The following SGCZ variants were observed in gnomAD, a reference collection of about 807,000 sequenced individuals.
The protein encoded by SGCZ is sarcoglycan zeta.
Under a neutral mutation model 41.3 loss-of-function variants are expected in SGCZ, and 40 were observed. That is an observed-to-expected ratio of 0.97 (90% CI 0.75 to 1.26). SGCZ has a LOEUF of 1.26. SGCZ is among the 50% of genes most tolerant of loss of function. The probability of loss-of-function intolerance (pLI) is 0.00; values close to 1 mark genes in which losing one functional copy is unlikely to be tolerated. For missense variants in SGCZ, 552 were observed against 369.8 expected, an observed-to-expected ratio of 1.49 and a Z score of -4.04; for synonymous variants, 206 against 137.5, an observed-to-expected ratio of 1.50 and a Z score of -3.49.
At position 15,186,262 on chromosome 8, in the gene SGCZ, C is replaced by CAAAAAAA. The variant is rs61237091; in HGVS notation, c.39+51316_39+51322dup. On this transcript the variant is annotated intron_variant, in intron 1 of 7. Coordinates refer to ENST00000382080, the MANE Select transcript of SGCZ (RefSeq NM_139167.4). ...GGGCAACAGAGGGAAGATTCCGTAC[C>CAAAAAAA]AAAAAAAAAAAAAAAAAAAAAAAAA... Among the ~76,000 whole-genome samples, 53 of 80,714 alleles carry CAAAAAAA rather than the reference C, an allele frequency of 6.6e-4. 3 individuals are homozygous for CAAAAAAA. The highest frequency in any genetic ancestry group is 1.7e-3 in the African/African-American group (27 of 15,438). 53.0% of individuals were successfully genotyped at this position (80,714 alleles called of 152,430 possible).
intron 1 of SGCZ, among the ~76,000 whole-genome samples, chr8:15,052,632 G>T (rs954845543): frequency 6.6e-6 from 1 of 151,998 alleles, no homozygotes; most frequent in African/African-American, 2.4e-5. Flanking sequence ...GCTCGTTTGG[G>T]ACATATGACA....
At chr8:14,485,972 G>T (rs1450634117) in intron 2 of SGCZ, among the ~76,000 whole-genome samples, 1 of 151,288 alleles carries the variant, frequency 6.6e-6, no homozygotes. Context: ...CTCCCGAGTA[G>T]CTGGGACTAC....
chr8:14,137,056 A>T (rs1803221305), intron 5 of SGCZ, among the ~76,000 whole-genome samples: 1 of 152,178 alleles, frequency 6.6e-6, no homozygotes, highest in Non-Finnish European at 1.5e-5. Context: ...CCTCCACTAA[A>T]CTCCAACAGA....
rs540473215 is a variant in SGCZ at position 15,016,613 on chromosome 8, T to C, written c.39+220972A>G. ...TGGGCTCTATACTAGGTTAAGAGCA[T>C]AGTGCCTCACAAGTTGCTTTACAGA... On this transcript the variant is annotated intron_variant, in intron 1 of 7. Coordinates refer to ENST00000382080, the MANE Select transcript of SGCZ (RefSeq NM_139167.4). 3.9e-5 allele frequency among the ~76,000 whole-genome samples: 6 copies of C among 152,310 alleles called. No homozygotes were observed. In the East Asian group the frequency reaches 9.7e-4, roughly 25 times the overall value.
chr8:15,178,793 G>T (rs1340331985), intron 1 of SGCZ, among the ~76,000 whole-genome samples: 2 of 123,266 alleles, frequency 1.6e-5, no homozygotes, highest in African/African-American at 2.5e-5. Flanking sequence ...GTTACGAAGT[G>T]CAGGGAAGGA....
intron 1 of SGCZ, among the ~76,000 whole-genome samples, chr8:15,072,560 T>C (rs1805394781): frequency 6.6e-6 from 1 of 152,192 alleles, no homozygotes; most frequent in South Asian, 2.1e-4. Flanking sequence ...TCAATGTTGT[T>C]GCTTTTCTAG....
At chr8:14,318,658 C>T (rs773121237) in intron 3 of SGCZ, among the ~76,000 whole-genome samples, 1 of 151,756 alleles carries the variant, frequency 6.6e-6, no homozygotes, top group Non-Finnish European at 1.5e-5. Flanking sequence ...AATTAAAATC[C>T]AGGTCTGGTT....
chr8:14,538,962 C>A (rs985188966), intron 2 of SGCZ, among the ~76,000 whole-genome samples: 1 of 151,852 alleles, frequency 6.6e-6, no homozygotes, highest in Non-Finnish European at 1.5e-5. Flanking sequence ...TTGGCTGGGC[C>A]AAAGTACCCA....
chr8:14,598,580 G>T (rs1270738527), intron 1 of SGCZ, among the ~76,000 whole-genome samples: 1 of 151,590 alleles, frequency 6.6e-6, no homozygotes, highest in African/African-American at 2.4e-5. Context: ...AGGCTGGAGT[G>T]CAGTGGTGCA....
At chr8:14,914,223 T>A in intron 1 of SGCZ, among the ~76,000 whole-genome samples, 1 of 144,136 alleles carries the variant, frequency 6.9e-6, no homozygotes, top group South Asian at 2.2e-4. Flanking sequence ...TATATAAATA[T>A]GTATGCGTAT....
chr8:14,404,308 T>G (rs913964051), intron 2 of SGCZ, among the ~76,000 whole-genome samples: 1 of 152,192 alleles, frequency 6.6e-6, no homozygotes, highest in Admixed American at 6.5e-5. Context: ...CCAAATAAAT[T>G]ACTTAATAAA....
rs578147698 is a variant in SGCZ, at chr8:14,645,335, T to A, written c.40-90409A>T. On this transcript the variant is annotated intron_variant, in intron 1 of 7. Transcript: ENST00000382080. The stretch of plus-strand genomic sequence containing the variant: ...ATCATGATTTTTTAAATTTTTACCA[T>A]TATTATAAAATTGAAGGGAAAGTTT... Among the ~76,000 whole-genome samples, 6 of 151,084 alleles carry A rather than the reference T, an allele frequency of 4.0e-5. No individual in the cohort carries two copies. In the Admixed American group the frequency reaches 4.0e-4, roughly 10 times the overall value.
intron 3 of SGCZ, among the ~76,000 whole-genome samples, chr8:14,311,466 C>A (rs888881435): frequency 3.9e-5 from 6 of 152,066 alleles, no homozygotes; most frequent in African/African-American, 1.4e-4. Context: ...CAGATAGGAA[C>A]ACAATAAAGC....
intron 1 of SGCZ, among the ~76,000 whole-genome samples, chr8:14,630,166 G>C (rs921313344): frequency 1.3e-5 from 2 of 151,942 alleles, no homozygotes; most frequent in Non-Finnish European, 2.9e-5. Flanking sequence ...TGCATTTGTG[G>C]GGTAACAGTA....
chr8:15,076,753 C>CTTTT lies in SGCZ; in HGVS notation c.39+160831_39+160832insAAAA, dbSNP rs566416257. ...TCAAGGAACTTAAATAAGTCTCTCT[C>CTTTT]ATTTTTTTTTTTTTTTTGCTTCCCT... On this transcript the variant is annotated intron_variant, in intron 1 of 7. Transcript: ENST00000382080. Among the ~76,000 whole-genome samples, 179 of 143,762 alleles carry CTTTT rather than the reference C, an allele frequency of 1.2e-3. 1 individual carries two copies. The highest frequency in any genetic ancestry group is 3.6e-3 in the African/African-American group (132 of 37,146). The allele number at this position is 143,762 out of a possible 152,430, so 94.3% of individuals were successfully genotyped here.
intron 1 of SGCZ, among the ~76,000 whole-genome samples, chr8:14,748,414 T>C (rs555262050): frequency 8.5e-5 from 13 of 152,298 alleles, no homozygotes; most frequent in African/African-American, 3.1e-4. Flanking sequence ...TTCTATCCTT[T>C]AGGTTGTAAT....
chr8:14,859,172 T>C (rs1803640207), intron 1 of SGCZ, among the ~76,000 whole-genome samples: 1 of 152,142 alleles, frequency 6.6e-6, no homozygotes, highest in African/African-American at 2.4e-5. Context: ...GCATACTCTC[T>C]ATTTTGTGAC....
chr8:15,008,973 T>C (rs1239891069), intron 1 of SGCZ, among the ~76,000 whole-genome samples: 4 of 152,102 alleles, frequency 2.6e-5, no homozygotes, highest in Admixed American at 2.6e-4. Flanking sequence ...GTGCACACAA[T>C]ACTAGGTTAT....
chr8:14,951,714 A>T (rs1800647551), intron 1 of SGCZ, among the ~76,000 whole-genome samples: 1 of 152,000 alleles, frequency 6.6e-6, no homozygotes, highest in African/African-American at 2.4e-5. Context: ...CAATACCCCA[A>T]ATTTACAGGT....
Sources: allele counts gnomAD v4.1 joint callset (sites outside exome capture counted in the v4.1 genomes callset), GRCh38; gene constraint gnomAD v4.1.1; transcripts MANE v1.5; gene names NCBI Gene and HGNC (gene_info 2026-07-23, HGNC 2026-07-21).